Variants in MXRA5 observed in about 807,000 individuals in gnomAD.
MXRA5 encodes the protein matrix-remodeling-associated protein 5.
Under a neutral mutation model 112.5 loss-of-function variants are expected in MXRA5, and 41 were observed. The ratio of observed to expected loss-of-function variants is 0.36; its 90% CI spans 0.28 to 0.47. The LOEUF (loss-of-function observed/expected upper bound fraction) is 0.47, where lower values mean the gene tolerates loss of function less well. Ranked by LOEUF, MXRA5 falls within the 20% of genes least tolerant of loss-of-function variation. The pLI, the probability that MXRA5 is intolerant of heterozygous loss-of-function variation, is 0.99. For synonymous variants in MXRA5, 862 were observed against 900.8 expected, an observed-to-expected ratio of 0.96 and a Z score of 0.77; for missense variants, 2,150 against 2,251.0, an observed-to-expected ratio of 0.96 and a Z score of 0.91.
intron 2 of MXRA5, among the ~76,000 whole-genome samples, chrX:3,331,958 A>G (rs766591690): frequency 8.9e-6 from 1 of 112,182 alleles, no homozygotes; most frequent in South Asian, 3.7e-4. Context: ...TATCACTTAC[A>G]TAAAAGGAAA....
intron 2 of MXRA5, among the ~76,000 whole-genome samples, chrX:3,340,554 A>G (rs1427223772): frequency 9.0e-6 from 1 of 111,357 alleles, no homozygotes; most frequent in Non-Finnish European, 1.9e-5. Flanking sequence ...TATTACAGAA[A>G]ACTATCTCTA....
At chrX:3,330,961 G>A (rs184975454) in intron 2 of MXRA5, among the ~76,000 whole-genome samples, 188 bp from the exon 3 acceptor site, 14 of 111,297 alleles carry the variant, frequency 1.3e-4, no homozygotes, top group Admixed American at 7.6e-4. Flanking sequence ...GGAGTGCAGC[G>A]GTGCAATCGT....
At chrX:3,341,159 T>TATACATA (rs1921935747) in intron 2 of MXRA5, among the ~76,000 whole-genome samples, 1 of 8,906 alleles carries the variant, frequency 1.1e-4, no homozygotes, top group African/African-American at 2.0e-4. Context: ...TATTATATAT[T>TATACATA]ATATATTATA....
At chrX:3,329,424 G>A (rs1291043304) in intron 4 of MXRA5, among the ~76,000 whole-genome samples, 2 of 44,988 alleles carry the variant, frequency 4.4e-5, no homozygotes, top group Non-Finnish European at 1.1e-4. Context: ...AAGGAAGGAA[G>A]GAGGGAAGGA....
rs386416494 is a variant in MXRA5 at position 3,333,302 on chromosome X, C to CAAAAAAA, written c.189-2536_189-2530dup. 7.8e-3 allele frequency among the ~76,000 whole-genome samples: 116 copies of CAAAAAAA among 14,819 alleles called. 1 individual carries two copies. The highest frequency in any genetic ancestry group is 0.025 in the East Asian group (7 of 283). The allele number at this position is 14,819 out of a possible 115,157, so 12.9% of individuals were successfully genotyped here. A position where few individuals can be genotyped will look rare whatever the true frequency, so the allele number is the denominator to read the frequency against. ...TGGGCAACAGAGCAATACCCCATAT[C>CAAAAAAA]AAAAAAAAAAAAAAAAAAAAAAAAA... On this transcript the variant is annotated intron_variant, in intron 2 of 6. Coordinates refer to ENST00000217939, the MANE Select transcript of MXRA5 (RefSeq NM_015419.4).
intron 6 of MXRA5, among the ~76,000 whole-genome samples, chrX:3,314,759 C>A (rs188386001): frequency 6.4e-5 from 7 of 110,027 alleles, no homozygotes; most frequent in African/African-American, 2.0e-4. Flanking sequence ...CTCCACCCAC[C>A]AGATGCCAGT....
intron 2 of MXRA5, among the ~76,000 whole-genome samples, chrX:3,341,702 T>C (rs1364503821): frequency 1.2e-5 from 1 of 83,508 alleles, no homozygotes; most frequent in Non-Finnish European, 2.2e-5. Flanking sequence ...ATAATATATA[T>C]AAAATATATA....
intron 4 of MXRA5, among the ~76,000 whole-genome samples, chrX:3,327,975 A>G (rs1163537334): frequency 8.8e-6 from 1 of 113,050 alleles, no homozygotes; most frequent in African/African-American, 3.2e-5. Context: ...ACAGTAGCAG[A>G]GATGGTTCTT....
At chrX:3,315,053 G>C (rs1311740867) in intron 6 of MXRA5, among the ~76,000 whole-genome samples, 2 of 109,665 alleles carry the variant, frequency 1.8e-5, no homozygotes, top group Non-Finnish European at 3.8e-5. Context: ...TGCTAAGACA[G>C]GGTTACTTGA....
Position 3,320,951 on chromosome X carries a change from C to G in MXRA5, c.4734G>C (p.Lys1578Asn), listed in dbSNP as rs1343526986. Residue 1578 changes from lysine (K) to asparagine (N), a missense_variant, in exon 5 of 7, where the codon AAG (lysine) becomes AAC (asparagine). Lys to Asn is a moderately conservative substitution (Grantham distance 94). Transcript: ENST00000217939. ...FNLSTKLELE[K>N]QVFGSRSLPR... The stretch of plus-strand genomic sequence containing the variant: ...GTAGACTCCTACTACCAAATACTTG[C>G]TTTTCCAATTCCAGCTTTGTAGACA... 1.3e-5 allele frequency: 16 copies of G among 1,210,276 alleles called. No homozygotes were observed. Among genetic ancestry groups the G allele is most frequent in the Non-Finnish European group, 1.8e-5 (16 of 895,341 alleles).
chrX:3,331,638 C>A (rs1357743339), intron 2 of MXRA5, among the ~76,000 whole-genome samples: 5 of 112,299 alleles, frequency 4.5e-5, no homozygotes, highest in Non-Finnish European at 7.5e-5. Context: ...GACGGATGAT[C>A]AAAGTTACTC....
chrX:3,322,787 A>G lies in MXRA5; in HGVS notation c.2898T>C (p.Ala966=), dbSNP rs1921346294. The G allele has an allele frequency of 8.3e-7, 1 of 1,209,819 alleles. No homozygotes were observed. Among genetic ancestry groups the G allele is most frequent in the Admixed American group, 2.2e-5 (1 of 45,741 alleles). Residue 966 remains alanine, a synonymous_variant, in exon 5 of 7, where the codon GCT becomes GCC. Transcript: ENST00000217939. ...TGGGCTCAGACTCAGCCAAGGAGAC[A>G]GCATCCAATGGAGGCTCATACTCAC... ...TSSEYEPPLD[A]VSLAESEPMQ...
chrX:3,333,669 A>G (rs1475929549), intron 2 of MXRA5, among the ~76,000 whole-genome samples: 4 of 111,713 alleles, frequency 3.6e-5, no homozygotes, highest in Non-Finnish European at 7.5e-5. Flanking sequence ...TATCTACTTG[A>G]CATTATTTTA....
intron 2 of MXRA5, among the ~76,000 whole-genome samples, chrX:3,338,035 G>A: frequency 9.0e-6 from 1 of 111,539 alleles, no homozygotes; most frequent in East Asian, 2.8e-4. Context: ...CCAAGATGGA[G>A]ACCCATGATG....
At chrX:3,331,436 T>G (rs967059102) in intron 2 of MXRA5, among the ~76,000 whole-genome samples, 3 of 112,143 alleles carry the variant, frequency 2.7e-5, no homozygotes, top group African/African-American at 9.7e-5. Context: ...CACGTGTCTC[T>G]TTCTTGGAAA....
At chrX:3,330,856 T>G in intron 2 of MXRA5, 83 bp from the exon 3 acceptor site, 10 of 629,963 alleles carry the variant, frequency 1.6e-5, no homozygotes, top group East Asian at 4.2e-5. Context: ...ATGGGAAACA[T>G]TCCCTAGCCT....
At chrX:3,315,375 TAGATAGATAGATAGATGATA>T (rs1443545786) in intron 6 of MXRA5, among the ~76,000 whole-genome samples, 1 of 25,665 alleles carries the variant, frequency 3.9e-5, no homozygotes, top group African/African-American at 1.7e-4. Flanking sequence ...ATAGATAGAA[TAGATAGATAGATAGATGATA>T]GATAGATAGA....
At chrX:3,330,497 G>C (rs1196075241) in intron 3 of MXRA5, 89 bp from the exon 4 acceptor site, 1 of 1,105,495 alleles carries the variant, frequency 9.0e-7, no homozygotes. Flanking sequence ...CAGTACAAAG[G>C]GCTGGAGAGT....
Position 3,322,131 on chromosome X carries a change from G to T in MXRA5, c.3554C>A (p.Thr1185Asn). The T allele has an allele frequency of 1.7e-6, 2 of 1,203,729 alleles. No homozygotes were observed. The highest frequency in any genetic ancestry group is 2.2e-6 in the Non-Finnish European group (2 of 891,096). The change falls in exon 5 of 7, where the codon ACT becomes AAT. Residue 1185 changes from threonine (T) to asparagine (N), a missense_variant. This residue lies in a region of MXRA5 where 1,485 missense variants were observed against 1,471.6 expected (regional missense o/e 1.01). Transcript: ENST00000217939. ...APSETFSTQP[T>N]QAPDIKISSQ... Reference sequence around the variant, plus strand: ...TGAAATCTTAATGTCAGGTGCTTGAGTTGGTTGAGTAGAAAAAGTCTCTGA... The same window carrying T: ...TGAAATCTTAATGTCAGGTGCTTGATTTGGTTGAGTAGAAAAAGTCTCTGA...
Sources: gnomAD v4.1 joint callset for allele counts (sites outside exome capture counted in the v4.1 genomes callset) on GRCh38, gnomAD v4.1.1 for gene constraint, gnomAD v4.1.1 regional missense constraint, MANE v1.5 for transcripts, NCBI Gene and HGNC (gene_info 2026-07-23, HGNC 2026-07-21) for gene names.